DHRS12: variants seen among roughly 807,000 people sequenced by gnomAD.
The protein encoded by DHRS12 is dehydrogenase/reductase SDR family member 12.
DHRS12 carries 29 observed loss-of-function variants against 32.1 expected under a neutral mutation model. The observed-to-expected ratio is 0.90, with a 90% CI of 0.67 to 1.23. DHRS12 has a LOEUF of 1.23. DHRS12 is among the 50% of genes most tolerant of loss of function. DHRS12 has a pLI of 0.00. For synonymous variants in DHRS12, 150 were observed against 135.9 expected, an observed-to-expected ratio of 1.10 and a Z score of -0.72; for missense variants, 330 against 337.2, an observed-to-expected ratio of 0.98 and a Z score of 0.17.
intron 4 of DHRS12, among the ~76,000 whole-genome samples, chr13:51,788,887 T>C (rs1305328739): frequency 1.3e-5 from 2 of 151,760 alleles, no homozygotes; most frequent in African/African-American, 4.8e-5. Context: ...ATTTAGTAAA[T>C]TTGGGGACAA....
At chr13:51,773,254 A>G (rs1954124939) in intron 6 of DHRS12, among the ~76,000 whole-genome samples, 1 of 152,360 alleles carries the variant, frequency 6.6e-6, no homozygotes, top group East Asian at 1.9e-4. Flanking sequence ...AAATCTAAAC[A>G]CAAAATTCAT....
At chr13:51,759,658 T>A in the DHRS12 span, 15 of 1,393,194 alleles carry the variant, frequency 1.1e-5, no homozygotes, top group South Asian at 1.8e-4. Context: ...ATGAAAAAAA[T>A]TTCCTTGAAG....
chr13:51,803,766 G>C, intron 1 of DHRS12: 1 of 282,018 alleles, frequency 3.5e-6, no homozygotes, highest in Non-Finnish European at 6.6e-6. Context: ...GCTCCTTGGC[G>C]CCGGGGCCGC....
intron 2 of DHRS12, chr13:51,797,848 A>C: frequency 6.5e-7 from 1 of 1,535,520 alleles, no homozygotes; most frequent in Non-Finnish European, 8.7e-7. Flanking sequence ...CTCCCGGATG[A>C]TCTCACCCCT....
Position 51,804,075 on chromosome 13 carries a change from T to C in DHRS12, c.-30A>G. Reference sequence around the variant, plus strand: ...TTACTTGGTGTACTCGCGCAGCCCCTTGGCGAACCACACGACGCTGCGGTA... The same window carrying C: ...TTACTTGGTGTACTCGCGCAGCCCCCTGGCGAACCACACGACGCTGCGGTA... On this transcript the variant is annotated 5_prime_UTR_variant, in exon 1 of 9. Transcript: ENST00000444610. 1 of 1,492,842 alleles carries C rather than the reference T, an allele frequency of 6.7e-7. No homozygotes were observed. 92.5% of individuals were successfully genotyped at this position (1,492,842 alleles called of 1,614,324 possible).
chr13:51,760,417 G>A, the DHRS12 span: 2 of 151,990 alleles, frequency 1.3e-5, no homozygotes, highest in African/African-American at 4.8e-5. Context: ...AGAAAAGACT[G>A]TGTTTCTGCC....
chr13:51,801,084 AAGGGAATAATAAGAG>A (rs1445773816), intron 1 of DHRS12, among the ~76,000 whole-genome samples: 8 of 152,194 alleles, frequency 5.3e-5, no homozygotes, highest in African/African-American at 1.7e-4. Context: ...CATCTGCAGA[AAGGGAATAATAAGAG>A]ATACCTCTTG....
At chr13:51,758,150 TCAC>T in the DHRS12 span, 1 of 1,485,862 alleles carries the variant, frequency 6.7e-7, no homozygotes, top group East Asian at 2.3e-5. Context: ...CATTCATATG[TCAC>T]CACCTTTTCC....
the DHRS12 span, chr13:51,761,904 C>T: frequency 6.6e-6 from 1 of 152,244 alleles, no homozygotes; most frequent in East Asian, 1.9e-4. Context: ...TAGCACTTGT[C>T]GCCTCGCTGC....
chr13:51,769,327 G>T, intron 7 of DHRS12, 34 bp from the exon 8 acceptor site: 1 of 1,418,760 alleles, frequency 7.0e-7, no homozygotes. Flanking sequence ...GATTAGGACA[G>T]CATTCTCCAG....
intron 4 of DHRS12, among the ~76,000 whole-genome samples, chr13:51,778,222 A>C (rs1055953177): frequency 3.3e-5 from 5 of 152,212 alleles, no homozygotes; most frequent in Admixed American, 1.3e-4. Flanking sequence ...ACCTCACAGG[A>C]TCAGAGGAGT....
intron 4 of DHRS12, chr13:51,789,403 T>G: frequency 6.0e-6 from 2 of 333,040 alleles, no homozygotes; most frequent in Non-Finnish European, 8.6e-6. Flanking sequence ...CCAGAAGGCC[T>G]GTCAAACTGG....
chr13:51,799,957 G>A (rs1022849742), intron 1 of DHRS12, among the ~76,000 whole-genome samples: 8 of 151,882 alleles, frequency 5.3e-5, no homozygotes, highest in Non-Finnish European at 7.4e-5. Flanking sequence ...GTGGCAAAAA[G>A]AAAAAAAATC....
At chr13:51,765,799 T>TAAAG (rs1953727891), downstream of DHRS12, 1 of 152,222 alleles carries the variant, frequency 6.6e-6, no homozygotes, top group African/African-American at 2.4e-5. Flanking sequence ...AAATTCTTTT[T>TAAAG]AAAGATGGTA....
At chr13:51,799,936 G>A (rs757299510) in intron 1 of DHRS12, among the ~76,000 whole-genome samples, 1 of 152,042 alleles carries the variant, frequency 6.6e-6, no homozygotes, top group Non-Finnish European at 1.5e-5. Flanking sequence ...TGACTGCCCC[G>A]ATCCTGGGGA....
the DHRS12 span, chr13:51,758,373 G>A: frequency 8.7e-7 from 1 of 1,149,410 alleles, no homozygotes; most frequent in East Asian, 2.5e-5. Flanking sequence ...CAAGAACATG[G>A]GAGGCACTGT....
At chr13:51,756,370 G>T in the DHRS12 span, 1 of 1,614,078 alleles carries the variant, frequency 6.2e-7, no homozygotes, top group Non-Finnish European at 8.5e-7. Context: ...TCTGTGGCAA[G>T]TGCAGCTCCA....
intron 7 of DHRS12, chr13:51,771,225 G>GGCT (rs755222453): frequency 1.9e-6 from 3 of 1,551,446 alleles, no homozygotes; most frequent in East Asian, 2.4e-5. Context: ...TGTGTGCTGT[G>GGCT]GCTGCTGCTG....
intron 7 of DHRS12, 95 bp downstream of exon 7, chr13:51,771,726 G>T: frequency 6.7e-7 from 1 of 1,488,356 alleles, no homozygotes; most frequent in Non-Finnish European, 9.3e-7. Context: ...CATTACGCTG[G>T]TTTTAGGTCA....
Sources: gnomAD v4.1 joint callset for allele counts (sites outside exome capture counted in the v4.1 genomes callset) on GRCh38, gnomAD v4.1.1 for gene constraint, MANE v1.5 for transcripts, NCBI Gene and HGNC (gene_info 2026-07-23, HGNC 2026-07-21) for gene names.